Variants in PALM2AKAP2 observed in about 807,000 individuals in gnomAD.
PALM2AKAP2 encodes PALM2-AKAP2 fusion protein.
In PALM2AKAP2, 37 loss-of-function variants were observed where a neutral mutation model predicts 71.5. The ratio of observed to expected loss-of-function variants is 0.52; its 90% confidence interval spans 0.40 to 0.68. The LOEUF is 0.68. Among genes scored for constraint, PALM2AKAP2 ranks in the 30% least tolerant of loss-of-function variants. The pLI, the probability that PALM2AKAP2 is intolerant of heterozygous loss-of-function variation, is 0.00. For synonymous variants in PALM2AKAP2, 468 were observed against 478.8 expected (o/e 0.98, Z 0.29); for missense variants, 1,224 against 1,191.8 (o/e 1.03, Z -0.40).
intron 1 of PALM2AKAP2, among the ~76,000 whole-genome samples, chr9:110,057,759 C>T (rs1028763521): frequency 9.9e-5 from 15 of 152,172 alleles, no homozygotes; most frequent in Non-Finnish European, 1.9e-4. Context: ...TCCTGTCATC[C>T]AGGAGCGTGT....
At chr9:109,742,263 A>T (rs1198747044) in intron 1 of PALM2AKAP2, among the ~76,000 whole-genome samples, 7 of 18,280 alleles carry the variant, frequency 3.8e-4, no homozygotes, top group Non-Finnish European at 6.1e-4. Flanking sequence ...ACACACACAC[A>T]CACACACACA....
chr9:109,981,719 T>C (rs573193500), intron 6 of PALM2AKAP2, among the ~76,000 whole-genome samples: 28 of 152,294 alleles, frequency 1.8e-4, no homozygotes, highest in African/African-American at 6.5e-4. Flanking sequence ...CTCAACATCA[T>C]TGATGATCCA....
At chr9:110,035,618 A>G (rs1833384355) in intron 7 of PALM2AKAP2, among the ~76,000 whole-genome samples, 1 of 136,148 alleles carries the variant, frequency 7.3e-6, no homozygotes, top group Non-Finnish European at 1.5e-5. Context: ...TGTTATATAT[A>G]ACATATATAG....
At chr9:109,760,820 C>T (rs897791466) in intron 1 of PALM2AKAP2, among the ~76,000 whole-genome samples, 2 of 152,184 alleles carry the variant, frequency 1.3e-5, no homozygotes, top group Non-Finnish European at 2.9e-5. Flanking sequence ...CAATTTTCCT[C>T]CCCAAGAGCT....
intron 1 of PALM2AKAP2, among the ~76,000 whole-genome samples, chr9:110,129,490 G>A (rs942702110): frequency 5.9e-5 from 9 of 152,296 alleles, no homozygotes; most frequent in Admixed American, 2.0e-4. Context: ...CTTGGGAAAC[G>A]TCCCTCTATT....
intron 1 of PALM2AKAP2, among the ~76,000 whole-genome samples, chr9:109,766,778 A>G (rs1423804156): frequency 2.0e-5 from 3 of 152,182 alleles, no homozygotes; most frequent in Non-Finnish European, 4.4e-5. Context: ...AGACCTTCTC[A>G]TGAACCCCAT....
chr9:109,934,999 C>T (rs1012421674), intron 6 of PALM2AKAP2, among the ~76,000 whole-genome samples: 18 of 152,196 alleles, frequency 1.2e-4, no homozygotes, highest in African/African-American at 3.9e-4. Context: ...CATGGAGGCA[C>T]TGAGGAACCA....
In PALM2AKAP2 at chr9:110,041,820, G is replaced by A. The variant is rs144643396; in HGVS notation, c.582+25781G>A. Among the ~76,000 whole-genome samples, 579 of 152,292 alleles carry A rather than the reference G, an allele frequency of 3.8e-3. 3 individuals carry two copies. The highest frequency in any genetic ancestry group is 5.6e-3 in the Non-Finnish European group (383 of 68,014). Reference sequence around the variant, plus strand: ...CCACCTCCGGTGGTTCCCAAATCAGGCTGTCACAGAATCAGATGGAAAGCT... The same window carrying A: ...CCACCTCCGGTGGTTCCCAAATCAGACTGTCACAGAATCAGATGGAAAGCT... On this transcript the variant is annotated intron_variant, in intron 7 of 9. Coordinates refer to the PALM2AKAP2 transcript ENST00000302798.
At chr9:109,748,160 T>A (rs1351757879) in intron 1 of PALM2AKAP2, among the ~76,000 whole-genome samples, 1 of 151,962 alleles carries the variant, frequency 6.6e-6, no homozygotes, top group Non-Finnish European at 1.5e-5. Flanking sequence ...TGAAGTAGAG[T>A]TGTGTTTTCT....
intron 6 of PALM2AKAP2, among the ~76,000 whole-genome samples, chr9:110,000,494 G>A (rs1351822019): frequency 6.6e-6 from 1 of 152,172 alleles, no homozygotes; most frequent in East Asian, 1.9e-4. Flanking sequence ...TGTCTTTATA[G>A]CAGCATGATT....
At chr9:110,062,253 C>T (rs1002066883) in intron 1 of PALM2AKAP2, among the ~76,000 whole-genome samples, 1 of 152,118 alleles carries the variant, frequency 6.6e-6, no homozygotes, top group African/African-American at 2.4e-5. Context: ...CTCCCCACCC[C>T]CTCCAAGAGG....
intron 1 of PALM2AKAP2, among the ~76,000 whole-genome samples, chr9:110,096,351 C>G (rs1834835620): frequency 6.6e-6 from 1 of 152,030 alleles, no homozygotes; most frequent in Non-Finnish European, 1.5e-5. Flanking sequence ...GTAGCTTCAA[C>G]CTCCTGGGCT....
At chr9:109,938,163 C>G (rs1401366182) in intron 6 of PALM2AKAP2, among the ~76,000 whole-genome samples, 2 of 152,162 alleles carry the variant, frequency 1.3e-5, no homozygotes, top group African/African-American at 2.4e-5. Context: ...CATATGCACT[C>G]TAGTTCATGC....
intron 1 of PALM2AKAP2, among the ~76,000 whole-genome samples, chr9:110,117,607 C>A (rs757574496): frequency 6.6e-6 from 1 of 152,140 alleles, no homozygotes; most frequent in Non-Finnish European, 1.5e-5. Flanking sequence ...TTGGTTCTTA[C>A]ATTTCTGGAG....
At chr9:109,640,955 C>G in intron 1 of PALM2AKAP2, 1 of 1,430,652 alleles carries the variant, frequency 7.0e-7, no homozygotes, top group Non-Finnish European at 9.1e-7. Context: ...CGCTCGGGTC[C>G]GCGTCCAGGA....
At chr9:110,093,868 C>A (rs1015552843) in intron 1 of PALM2AKAP2, among the ~76,000 whole-genome samples, 91 of 152,218 alleles carry the variant, frequency 6.0e-4, no homozygotes, top group Admixed American at 6.0e-3. Flanking sequence ...TTTGATTATG[C>A]CTCTCTGGCT....
At chr9:109,863,341 G>C (rs1829364973) in intron 1 of PALM2AKAP2, among the ~76,000 whole-genome samples, 1 of 152,208 alleles carries the variant, frequency 6.6e-6, no homozygotes, top group Non-Finnish European at 1.5e-5. Flanking sequence ...TTTCAAGAAA[G>C]TAAGTGTCTA....
intron 1 of PALM2AKAP2, among the ~76,000 whole-genome samples, chr9:109,712,646 G>A (rs537605685): frequency 1.6e-4 from 25 of 152,338 alleles, no homozygotes; most frequent in African/African-American, 4.8e-4. Flanking sequence ...CAAGCCAATG[G>A]CTTTTTCTTT....
chr9:109,888,337 C>G (rs1830012118), intron 3 of PALM2AKAP2, among the ~76,000 whole-genome samples: 1 of 152,108 alleles, frequency 6.6e-6, no homozygotes, highest in Non-Finnish European at 1.5e-5. Flanking sequence ...GAAAACTATA[C>G]CCACCTTGCA....
Sources: allele counts gnomAD v4.1 joint callset (sites outside exome capture counted in the v4.1 genomes callset), GRCh38; gene constraint gnomAD v4.1.1; transcripts MANE v1.5; gene names NCBI Gene and HGNC (gene_info 2026-07-23, HGNC 2026-07-21).